WDR35: variants seen among roughly 807,000 people sequenced by gnomAD.
WDR35 encodes WD repeat domain 35, also known as WD repeat-containing protein 35.
Under a neutral mutation model 158.3 loss-of-function variants are expected in WDR35, and 118 were observed. That is an observed-to-expected ratio of 0.75 (90% CI 0.64 to 0.87). The LOEUF is 0.87. WDR35 is among the 40% of genes least tolerant of loss of function. The probability of loss-of-function intolerance (pLI) is 0.00; values close to 1 mark genes in which losing one functional copy is unlikely to be tolerated. For missense variants in WDR35, 1,263 were observed against 1,405.8 expected (o/e 0.90, Z 1.62); for synonymous variants, 448 against 476.1 (o/e 0.94, Z 0.77).
intron 8 of WDR35, among the ~76,000 whole-genome samples, chr2:19,970,451 A>G (rs1460637842): frequency 6.6e-6 from 1 of 151,964 alleles, no homozygotes; most frequent in African/African-American, 2.4e-5. Flanking sequence ...CTTACTTTTC[A>G]TCTGTTTCCT....
intron 2 of WDR35, among the ~76,000 whole-genome samples, chr2:19,986,751 A>T (rs1672578787): frequency 6.6e-6 from 1 of 152,094 alleles, no homozygotes; most frequent in Admixed American, 6.5e-5. Flanking sequence ...AGTAAACCTG[A>T]TGTAAAAAGA....
At chr2:19,972,870 C>T (rs570413755) in intron 8 of WDR35, among the ~76,000 whole-genome samples, 10 of 152,026 alleles carry the variant, frequency 6.6e-5, no homozygotes, top group East Asian at 1.9e-4. Context: ...ATTCAAAAAA[C>T]GTATTAAGCT....
chr2:19,979,655 A>G (rs889273648), intron 4 of WDR35, among the ~76,000 whole-genome samples: 2 of 152,126 alleles, frequency 1.3e-5, no homozygotes, highest in African/African-American at 4.8e-5. Flanking sequence ...GTAATTTGGA[A>G]TAACTGCCCA....
At position 19,975,682 on chromosome 2, in the gene WDR35, A is replaced by C; in HGVS notation, c.437-19T>G. ...CGATTGCCTAAAACAAAACATTATT[A>C]AAAGTTGTTCAAGGTCATGATCCTC... On this transcript the variant is annotated intron_variant, in intron 5 of 26. Transcript: ENST00000281405. 6.2e-7 allele frequency: 1 copy of C among 1,613,880 alleles called. No homozygotes were observed. Among genetic ancestry groups the C allele is most frequent in the Non-Finnish European group, 8.5e-7 (1 of 1,179,878 alleles).
intron 2 of WDR35, 137 bp from the exon 3 acceptor site, chr2:19,982,671 T>C: frequency 1.1e-6 from 1 of 919,936 alleles, no homozygotes; most frequent in Non-Finnish European, 1.6e-6. Context: ...TTTCTCATGG[T>C]ATAAACATGA....
chr2:19,985,768 G>A (rs1184333204), intron 2 of WDR35, among the ~76,000 whole-genome samples: 15 of 150,946 alleles, frequency 9.9e-5, no homozygotes, highest in Non-Finnish European at 1.6e-4. Context: ...GTGGTGGCAC[G>A]CACCTGTAAT....
At chr2:19,920,714 T>A (rs1670142578) in intron 25 of WDR35, among the ~76,000 whole-genome samples, 1 of 152,194 alleles carries the variant, frequency 6.6e-6, no homozygotes, top group Non-Finnish European at 1.5e-5. Context: ...AACACAGTAT[T>A]GGAAGTTCTG....
chr2:19,936,127 C>A, intron 20 of WDR35, 92 bp downstream of exon 20: 15 of 1,562,796 alleles, frequency 9.6e-6, no homozygotes, highest in Non-Finnish European at 1.3e-5. Context: ...AGAAAATGAT[C>A]TTCATTTCCC....
chr2:19,978,970 A>G (rs1367612782), intron 4 of WDR35, 91 bp from the exon 5 acceptor site: 2 of 1,527,476 alleles, frequency 1.3e-6, no homozygotes, highest in African/African-American at 2.7e-5. Context: ...AAAGTACGCC[A>G]TGGGACAAAT....
At chr2:19,978,581 T>A (rs1672283339) in intron 5 of WDR35, among the ~76,000 whole-genome samples, 170 bp downstream of exon 5, 1 of 152,224 alleles carries the variant, frequency 6.6e-6, no homozygotes, top group African/African-American at 2.4e-5. Context: ...AACAGATGGT[T>A]AAAATCAAAG....
chr2:19,979,772 T>TACACACACACACACACAC lies in WDR35; in HGVS notation c.307+901_308-894dup, dbSNP rs67421990. 7.7e-4 allele frequency among the ~76,000 whole-genome samples: 112 copies of TACACACACACACACACAC among 146,298 alleles called. 1 individual carries two copies. Among genetic ancestry groups the TACACACACACACACACAC allele is most frequent in the South Asian group, 4.6e-3 (21 of 4,558 alleles). On this transcript the variant is annotated intron_variant, in intron 4 of 26. Coordinates refer to ENST00000281405, the MANE Select transcript of WDR35 (RefSeq NM_020779.4). Reference sequence around the variant, plus strand: ...CACTGAACTTTCACATTCTATCCCCTACACACACACACACACACACACACA... The same window carrying TACACACACACACACACAC: ...CACTGAACTTTCACATTCTATCCCCTACACACACACACACACACACACACACACACACACACACACACA...
Position 19,989,179 on chromosome 2 carries a change from A to G in WDR35, c.128T>C (p.Leu43Ser). ...GEDGLLKVLKLETQTDDAKLR... is the reference protein window; with the variant it reads ...GEDGLLKVLKSETQTDDAKLR... ...CATTCATTTACCTGTCTGCGTCTCT[A>G]ATTTCAAAACTTTCAGTAATCCATC... Residue 43 changes from leucine (L) to serine (S), a missense_variant, in exon 2 of 27, where the codon TTA (leucine) becomes TCA (serine). Coordinates refer to ENST00000281405, the MANE Select transcript of WDR35 (RefSeq NM_020779.4). 6.2e-7 allele frequency: 1 copy of G among 1,614,166 alleles called. No individual in the cohort carries two copies. Among genetic ancestry groups the G allele is most frequent in the Non-Finnish European group, 8.5e-7 (1 of 1,180,010 alleles).
At chr2:19,976,130 C>T (rs866333863) in intron 5 of WDR35, among the ~76,000 whole-genome samples, 2 of 152,274 alleles carry the variant, frequency 1.3e-5, no homozygotes, top group Middle Eastern at 6.8e-3. Flanking sequence ...GCAAAGATCT[C>T]CCTTTATCGA....
chr2:19,980,678 T>C lies in WDR35; in HGVS notation c.307+13A>G, dbSNP rs2103462968. 1.2e-6 allele frequency: 2 copies of C among 1,606,096 alleles called. No homozygotes were observed. Among genetic ancestry groups the C allele is most frequent in the African/African-American group, 1.3e-5 (1 of 74,880 alleles). On this transcript the variant is annotated intron_variant, in intron 4 of 26. Transcript: ENST00000281405. ...TTGTGAAAAATTAAATAATCTCTCC[T>C]AGTAAAGTATACCTTTATATAACAT...
At chr2:19,965,158 G>A (rs1346685924) in intron 10 of WDR35, among the ~76,000 whole-genome samples, 1 of 152,158 alleles carries the variant, frequency 6.6e-6, no homozygotes, top group Non-Finnish European at 1.5e-5. Context: ...CCCGACCTCA[G>A]GTAATCCGCC....
chr2:19,985,775 T>C, intron 2 of WDR35, among the ~76,000 whole-genome samples: 1 of 150,570 alleles, frequency 6.6e-6, no homozygotes, highest in East Asian at 1.9e-4. Flanking sequence ...CACGCACCTG[T>C]AATCCCAGCT....
rs886055397 is a variant in WDR35 at position 19,911,217 on chromosome 2, C to G, written c.*2341G>C. 1 of 152,082 alleles carries G rather than the reference C, an allele frequency of 6.6e-6. No homozygotes were observed. Among genetic ancestry groups the G allele is most frequent in the Non-Finnish European group, 1.5e-5 (1 of 68,022 alleles). The allele number at this position is 152,082 out of a possible 1,614,324, so 9.4% of individuals were successfully genotyped here. A position where few individuals can be genotyped will look rare whatever the true frequency, so the allele number is the denominator to read the frequency against. Reference sequence around the variant, plus strand: ...TCAACAGGTGATTCTAGAACTAAAGCAAATGAAAGTGCAACCAACAAATCA... The same window carrying G: ...TCAACAGGTGATTCTAGAACTAAAGGAAATGAAAGTGCAACCAACAAATCA... On this transcript the variant is annotated 3_prime_UTR_variant, in exon 27 of 27. Coordinates refer to ENST00000281405, the MANE Select transcript of WDR35 (RefSeq NM_020779.4).
intron 25 of WDR35, among the ~76,000 whole-genome samples, chr2:19,926,999 GACAGATC>G (rs2103392364): frequency 6.6e-6 from 1 of 152,294 alleles, no homozygotes; most frequent in East Asian, 1.9e-4. Flanking sequence ...ACTAACTGGG[GACAGATC>G]AAGAAGCTGT....
chr2:19,921,026 A>T (rs1315498017), intron 25 of WDR35, among the ~76,000 whole-genome samples: 4 of 152,230 alleles, frequency 2.6e-5, no homozygotes, highest in Non-Finnish European at 4.4e-5. Flanking sequence ...CTTACAAGGG[A>T]TGTGAAGGAC....
Sources: allele counts gnomAD v4.1 joint callset (sites outside exome capture counted in the v4.1 genomes callset), GRCh38; gene constraint gnomAD v4.1.1; transcripts MANE v1.5; gene names NCBI Gene and HGNC (gene_info 2026-07-23, HGNC 2026-07-21).